The following TDRP variants were observed in gnomAD, a reference collection of about 807,000 sequenced individuals.
TDRP encodes the protein testis development-related protein.
Under a neutral mutation model 10.5 loss-of-function variants are expected in TDRP, and 12 were observed. The ratio of observed to expected loss-of-function variants is 1.15; its 90% confidence interval spans 0.73 to 1.86. The LOEUF (loss-of-function observed/expected upper bound fraction) is 1.86. Ranked by LOEUF, TDRP falls within the 40% of genes most tolerant of loss-of-function variation. TDRP has a pLI of 0.00. For missense variants in TDRP, 353 were observed against 229.2 expected, an observed-to-expected ratio of 1.54 and a Z score of -3.49; for synonymous variants, 139 against 95.4, an observed-to-expected ratio of 1.46 and a Z score of -2.67.
intron 1 of TDRP, among the ~76,000 whole-genome samples, chr8:518,971 G>A (rs529324421): frequency 1.3e-5 from 2 of 152,242 alleles, no homozygotes; most frequent in African/African-American, 2.4e-5. Context: ...ACAGGAGGCT[G>A]GTAGAGCTTC....
At chr8:519,902 C>A (rs1020556036) in intron 1 of TDRP, among the ~76,000 whole-genome samples, 1 of 152,196 alleles carries the variant, frequency 6.6e-6, no homozygotes, top group South Asian at 2.1e-4. Flanking sequence ...GAATCAGCAT[C>A]TGGCCCCTGA....
At chr8:513,515 T>C (rs1305103038) in intron 1 of TDRP, among the ~76,000 whole-genome samples, 1 of 152,168 alleles carries the variant, frequency 6.6e-6, no homozygotes, top group African/African-American at 2.4e-5. Context: ...AACCTAGTAA[T>C]GGGTGTCTAT....
intron 1 of TDRP, 54 bp downstream of exon 1, chr8:544,596 C>G (rs2116893482): frequency 8.5e-7 from 1 of 1,179,818 alleles, no homozygotes; most frequent in Non-Finnish European, 1.1e-6. Context: ...CACCCTCGCC[C>G]TCCACCTGCG....
At chr8:509,061 G>A (rs751655377) in intron 1 of TDRP, among the ~76,000 whole-genome samples, 3 of 152,242 alleles carry the variant, frequency 2.0e-5, no homozygotes, top group Admixed American at 6.5e-5. Context: ...CAACCAGCTC[G>A]TGCTGATGCA....
At chr8:518,643 T>G (rs1330379511) in intron 1 of TDRP, among the ~76,000 whole-genome samples, 1 of 152,050 alleles carries the variant, frequency 6.6e-6, no homozygotes, top group East Asian at 1.9e-4. Flanking sequence ...AGTTAAAGAG[T>G]TATTCCTTTT....
chr8:515,498 A>G (rs948970098), intron 1 of TDRP, among the ~76,000 whole-genome samples: 9 of 152,228 alleles, frequency 5.9e-5, no homozygotes, highest in African/African-American at 2.2e-4. Flanking sequence ...TCCAAAATCC[A>G]AAATGCTCCA....
chr8:519,883 G>A (rs937114655), intron 1 of TDRP, among the ~76,000 whole-genome samples: 5 of 152,188 alleles, frequency 3.3e-5, no homozygotes, highest in African/African-American at 1.2e-4. Context: ...GGCCAGAGGT[G>A]TCTGATCCGA....
intron 1 of TDRP, among the ~76,000 whole-genome samples, chr8:511,612 G>C (rs555259956): frequency 6.6e-6 from 1 of 152,306 alleles, no homozygotes; most frequent in African/African-American, 2.4e-5. Flanking sequence ...CTAACAGATA[G>C]TTACAGAACT....
At chr8:494,895 A>G (rs1801084769) in intron 1 of TDRP, 1 of 234,338 alleles carries the variant, frequency 4.3e-6, no homozygotes, top group Non-Finnish European at 8.4e-6. Context: ...GCTTAAAATC[A>G]GACGAAGCTT....
Position 491,386 on chromosome 8 carries a change from G to A in TDRP, c.*1013C>T, listed in dbSNP as rs898122776. The A allele has an allele frequency of 7.7e-6, 3 of 391,806 alleles. No homozygotes were observed. The highest frequency in any genetic ancestry group is 2.1e-5 in the African/African-American group (1 of 48,452). 24.3% of individuals were successfully genotyped at this position (391,806 alleles called of 1,614,324 possible). A position where few individuals can be genotyped will look rare whatever the true frequency, so the allele number is the denominator to read the frequency against. On this transcript the variant is annotated 3_prime_UTR_variant, in exon 3 of 3. Coordinates refer to ENST00000324079, the MANE Select transcript of TDRP (RefSeq NM_001384899.1). ...TTCCAGGGACGCATAACTGGCACCT[G>A]ATACTGTGCAGGATCACATTGTCAA...
intron 1 of TDRP, among the ~76,000 whole-genome samples, chr8:532,424 C>T (rs932640661): frequency 9.9e-5 from 15 of 152,234 alleles, no homozygotes; most frequent in African/African-American, 3.6e-4. Flanking sequence ...TTGCTGACTA[C>T]AGAAATGCAC....
At chr8:521,522 G>A (rs1801904742) in intron 1 of TDRP, among the ~76,000 whole-genome samples, 1 of 152,148 alleles carries the variant, frequency 6.6e-6, no homozygotes, top group Non-Finnish European at 1.5e-5. Context: ...AATCCAAGCA[G>A]CCCTGTTTAA....
At chr8:515,825 T>C (rs1383176829) in intron 1 of TDRP, among the ~76,000 whole-genome samples, 1 of 152,192 alleles carries the variant, frequency 6.6e-6, no homozygotes, top group East Asian at 1.9e-4. Flanking sequence ...TTATAGATTA[T>C]ATAATTACTT....
chr8:498,532 G>C (rs903107683), intron 1 of TDRP, among the ~76,000 whole-genome samples: 8 of 152,194 alleles, frequency 5.3e-5, no homozygotes, highest in African/African-American at 1.9e-4. Context: ...CTTATAGGCA[G>C]AAGGGACTTA....
intron 1 of TDRP, among the ~76,000 whole-genome samples, chr8:500,400 G>A (rs560002060): frequency 4.6e-5 from 7 of 152,270 alleles, no homozygotes; most frequent in South Asian, 2.1e-4. Context: ...CCACCAGTGC[G>A]CACGTCCAGA....
At chr8:500,249 G>C (rs1435532642) in intron 1 of TDRP, among the ~76,000 whole-genome samples, 2 of 152,194 alleles carry the variant, frequency 1.3e-5, no homozygotes, top group Admixed American at 6.5e-5. Context: ...ATGCAATATT[G>C]TAAAGAAAAT....
chr8:509,785 G>C (rs1022268535), intron 1 of TDRP, among the ~76,000 whole-genome samples: 4 of 152,152 alleles, frequency 2.6e-5, no homozygotes, highest in African/African-American at 9.7e-5. Context: ...CCCAAAAATA[G>C]CTTTTTCTTT....
At chr8:536,694 A>C (rs1397602071) in intron 1 of TDRP, among the ~76,000 whole-genome samples, 1 of 152,210 alleles carries the variant, frequency 6.6e-6, no homozygotes, top group Non-Finnish European at 1.5e-5. Context: ...CAAATTTTAA[A>C]TATTGAATTA....
At chr8:493,998 T>TTG (rs1202791376) in intron 2 of TDRP, among the ~76,000 whole-genome samples, 2 of 148,122 alleles carry the variant, frequency 1.4e-5, no homozygotes, top group African/African-American at 4.9e-5. Context: ...CTGTTGTTTT[T>TTG]TTTTTTTTTT....
Sources: gnomAD v4.1 joint callset for allele counts (sites outside exome capture counted in the v4.1 genomes callset) on GRCh38, gnomAD v4.1.1 for gene constraint, MANE v1.5 for transcripts, NCBI Gene and HGNC (gene_info 2026-07-23, HGNC 2026-07-21) for gene names.